Variants in ATG4C observed in about 807,000 individuals in gnomAD.
The protein encoded by ATG4C is autophagy related 4C cysteine peptidase.
Under a neutral mutation model 57.6 loss-of-function variants are expected in ATG4C, and 56 were observed. The ratio of observed to expected loss-of-function variants is 0.97; its 90% CI spans 0.78 to 1.21. ATG4C has a LOEUF of 1.21. Ranked by LOEUF, ATG4C falls within the 50% of genes most tolerant of loss-of-function variation. The pLI, the probability that ATG4C is intolerant of heterozygous loss-of-function variation, is 0.00. For missense variants in ATG4C, 595 were observed against 529.8 expected (o/e 1.12, Z -1.21); for synonymous variants, 157 against 174.1 (o/e 0.90, Z 0.78).
chr1:62,811,953 T>C (rs1665100093), intron 3 of ATG4C, among the ~76,000 whole-genome samples: 1 of 152,160 alleles, frequency 6.6e-6, no homozygotes, highest in South Asian at 2.1e-4. Context: ...AAGTCACAGT[T>C]TCTGGGAACC....
intron 10 of ATG4C, 108 bp from the exon 11 acceptor site, chr1:62,863,884 G>A (rs944612307): frequency 6.7e-6 from 5 of 751,100 alleles, no homozygotes; most frequent in Non-Finnish European, 1.0e-5. Flanking sequence ...GAATGTAAAT[G>A]AAAGAAGCTA....
intron 1 of ATG4C, among the ~76,000 whole-genome samples, chr1:62,793,597 GAAAA>G (rs746057232): frequency 1.9e-4 from 4 of 20,530 alleles, no homozygotes; most frequent in Admixed American, 6.1e-4. Flanking sequence ...ACCTTGTCTC[GAAAA>G]AAAAAAAAAA....
chr1:62,832,485 GTCC>G (rs1174833207), intron 7 of ATG4C, among the ~76,000 whole-genome samples: 1 of 152,184 alleles, frequency 6.6e-6, no homozygotes, highest in Non-Finnish European at 1.5e-5. Context: ...GGCGAACTCT[GTCC>G]TCACGTGGCA....
intron 1 of ATG4C, among the ~76,000 whole-genome samples, chr1:62,799,466 G>C (rs900710551): frequency 6.6e-6 from 1 of 152,098 alleles, no homozygotes; most frequent in African/African-American, 2.4e-5. Context: ...CAAGTTTGGG[G>C]GTAAAGTTAC....
chr1:62,816,966 A>AT (rs1557971808), intron 4 of ATG4C, among the ~76,000 whole-genome samples, 158 bp downstream of exon 4: 1 of 151,846 alleles, frequency 6.6e-6, no homozygotes, highest in Non-Finnish European at 1.5e-5. Flanking sequence ...GGTGTATTGC[A>AT]TTTTTTTTGA....
intron 10 of ATG4C, among the ~76,000 whole-genome samples, chr1:62,852,973 T>C (rs997970551): frequency 2.6e-5 from 4 of 152,204 alleles, no homozygotes; most frequent in African/African-American, 9.7e-5. Context: ...CTGAATCTTT[T>C]AGTTTATTCC....
intron 1 of ATG4C, among the ~76,000 whole-genome samples, chr1:62,801,038 A>G (rs11208033): frequency 0.14 from 22,063 of 152,178 alleles, 1,698 homozygotes; most frequent in South Asian, 0.19. Context: ...ATGCAAAGGC[A>G]TGAGGTACCA....
At chr1:62,852,305 C>G (rs983220268) in intron 10 of ATG4C, among the ~76,000 whole-genome samples, 1 of 152,112 alleles carries the variant, frequency 6.6e-6, no homozygotes, top group Admixed American at 6.5e-5. Flanking sequence ...GGAGTAACCT[C>G]CTTACACAGG....
At chr1:62,801,657 TAAAAA>T (rs764188974) in intron 1 of ATG4C, among the ~76,000 whole-genome samples, 16 of 140,752 alleles carry the variant, frequency 1.1e-4, no homozygotes, top group Non-Finnish European at 2.3e-4. Flanking sequence ...GACTCCATCT[TAAAAA>T]AAAAATAAAA....
At chr1:62,852,821 A>G (rs1666559669) in intron 10 of ATG4C, among the ~76,000 whole-genome samples, 1 of 151,696 alleles carries the variant, frequency 6.6e-6, no homozygotes, top group Non-Finnish European at 1.5e-5. Flanking sequence ...AATTATAAAC[A>G]TAGGAAAAAT....
rs749909570 is a variant in ATG4C at position 62,805,184 on chromosome 1, A to T, written c.89A>T (p.Lys30Ile). The T allele has an allele frequency of 2.0e-6, 3 of 1,524,228 alleles. No individual in the cohort carries two copies. In the South Asian group the frequency reaches 4.0e-5, roughly 20 times the overall value. 94.4% of individuals were successfully genotyped at this position (1,524,228 alleles called of 1,614,324 possible). A position where few individuals can be genotyped will look rare whatever the true frequency, so the allele number is the denominator to read the frequency against. The change falls in exon 3 of 11, where the codon AAA (lysine) becomes ATA (isoleucine). Residue 30 changes from lysine (K) to isoleucine (I), a missense_variant. Transcript: ENST00000317868. ...TTTTTTTTGCTAGGTTGGGTGTTGAAAACAAAGACGTATTTTAGTAGAAAT... is the reference window on the plus strand; with the variant it reads ...TTTTTTTTGCTAGGTTGGGTGTTGATAACAAAGACGTATTTTAGTAGAAAT... Reference protein sequence around the residue: ...WNNMKYSWVLKTKTYFSRNSP... With the variant: ...WNNMKYSWVLITKTYFSRNSP...
intron 3 of ATG4C, among the ~76,000 whole-genome samples, chr1:62,814,741 C>T (rs1476406690): frequency 6.6e-6 from 1 of 151,722 alleles, no homozygotes; most frequent in Non-Finnish European, 1.5e-5. Context: ...GCTTTTTTAT[C>T]CAATCTGATA....
chr1:62,854,228 T>C (rs1030540003), intron 10 of ATG4C, among the ~76,000 whole-genome samples: 8 of 151,442 alleles, frequency 5.3e-5, no homozygotes, highest in Non-Finnish European at 4.4e-5. Context: ...TTTTGTTGTT[T>C]ATGCTTCCTT....
chr1:62,799,746 A>C (rs945763877), intron 1 of ATG4C, among the ~76,000 whole-genome samples: 1 of 152,190 alleles, frequency 6.6e-6, no homozygotes, highest in Non-Finnish European at 1.5e-5. Flanking sequence ...TCCCTCAAGC[A>C]TATATCCTTT....
At chr1:62,838,540 G>A (rs1414541631) in intron 9 of ATG4C, among the ~76,000 whole-genome samples, 1 of 152,128 alleles carries the variant, frequency 6.6e-6, no homozygotes, top group East Asian at 1.9e-4. Context: ...CACTTTGGGA[G>A]GCCAAGGCAG....
intron 1 of ATG4C, among the ~76,000 whole-genome samples, chr1:62,787,687 A>G (rs1664137216): frequency 6.6e-6 from 1 of 152,010 alleles, no homozygotes; most frequent in African/African-American, 2.4e-5. Context: ...TACTAGCAGT[A>G]TGACCTTGAA....
At chr1:62,829,531 T>C (rs1283219462) in intron 7 of ATG4C, among the ~76,000 whole-genome samples, 2 of 152,082 alleles carry the variant, frequency 1.3e-5, no homozygotes, top group African/African-American at 2.4e-5. Context: ...TCACATTAAT[T>C]ATTGAAAAAA....
At chr1:62,806,360 T>A (rs140043528) in intron 3 of ATG4C, among the ~76,000 whole-genome samples, 2 of 151,746 alleles carry the variant, frequency 1.3e-5, no homozygotes, top group Non-Finnish European at 2.9e-5. Context: ...AAGAGTTAGG[T>A]CATTTTTTTT....
chr1:62,856,885 A>G (rs998419692), intron 10 of ATG4C, among the ~76,000 whole-genome samples: 1 of 152,170 alleles, frequency 6.6e-6, no homozygotes. Context: ...GTTTAAGGGA[A>G]CAGTAAAACC....
Sources: gnomAD v4.1 joint callset for allele counts (sites outside exome capture counted in the v4.1 genomes callset) on GRCh38, gnomAD v4.1.1 for gene constraint, MANE v1.5 for transcripts, NCBI Gene and HGNC (gene_info 2026-07-23, HGNC 2026-07-21) for gene names.